Variants in RFX7 observed in about 807,000 individuals in gnomAD.
RFX7 encodes the protein DNA-binding protein RFX7.
Under a neutral mutation model 111.8 loss-of-function variants are expected in RFX7, and 26 were observed. That is an observed-to-expected ratio of 0.23 (90% CI 0.17 to 0.32). The LOEUF (loss-of-function observed/expected upper bound fraction) is 0.32. Among genes scored for constraint, RFX7 ranks in the 10% least tolerant of loss-of-function variants. The probability of loss-of-function intolerance (pLI) is 1.00; values close to 1 mark genes in which losing one functional copy is unlikely to be tolerated. For synonymous variants in RFX7, 624 were observed against 624.4 expected (o/e 1.00, Z 0.01); for missense variants, 1,573 against 1,772.9 (o/e 0.89, Z 2.02).
At position 56,152,330 on chromosome 15, in the gene RFX7, G is replaced by T. The variant is rs188739371; in HGVS notation, c.196-7847C>A. On this transcript the variant is annotated intron_variant, in intron 3 of 9. Coordinates refer to ENST00000559447, the MANE Select transcript of RFX7 (RefSeq NM_022841.7). Reference sequence around the variant, plus strand: ...AAAACACTCCTCAGCAAATGCAAAAGAAGGGAAATCATAACATATAGTCTC... The same window carrying T: ...AAAACACTCCTCAGCAAATGCAAAATAAGGGAAATCATAACATATAGTCTC... Among the ~76,000 whole-genome samples, 41 of 152,236 alleles carry T rather than the reference G, an allele frequency of 2.7e-4. 1 individual carries two copies. In the East Asian group the frequency reaches 5.4e-3, roughly 20 times the overall value.
intron 2 of RFX7, among the ~76,000 whole-genome samples, chr15:56,217,717 T>C (rs1363952340): frequency 6.6e-6 from 1 of 152,228 alleles, no homozygotes; most frequent in African/African-American, 2.4e-5. Context: ...ATATGTACAA[T>C]TTATTTAATT....
At chr15:56,199,673 G>C (rs141821688) in intron 2 of RFX7, among the ~76,000 whole-genome samples, 1 of 151,934 alleles carries the variant, frequency 6.6e-6, no homozygotes, top group Non-Finnish European at 1.5e-5. Flanking sequence ...GAAACACCAT[G>C]GTAAATATAG....
chr15:56,096,153 C>T lies in RFX7; in HGVS notation c.1575G>A (p.Arg525=), dbSNP rs746103928. Residue 525 remains arginine, a synonymous_variant, in exon 10 of 10, where the codon AGG becomes AGA. Coordinates refer to ENST00000559447, the MANE Select transcript of RFX7 (RefSeq NM_022841.7). The part of the protein sequence containing the change: ...SVVSLQSPGS[R]SSSAGGTSAV... Reference sequence around the variant, plus strand: ...CAGATGTTCCCCCCGCACTGCTGCTCCTGGACCCAGGAGACTGAAGCGACA... The same window carrying T: ...CAGATGTTCCCCCCGCACTGCTGCTTCTGGACCCAGGAGACTGAAGCGACA... 8 of 1,613,778 alleles carry T rather than the reference C, an allele frequency of 5.0e-6. No individual in the cohort carries two copies. The South Asian group carries it at 6.6e-5, about 13-fold the overall frequency.
Position 56,113,505 on chromosome 15 carries a change from C to T in RFX7, c.402-9835G>A, listed in dbSNP as rs543832838. Among the ~76,000 whole-genome samples, 187 of 151,916 alleles carry T rather than the reference C, an allele frequency of 1.2e-3. 1 individual carries two copies. Among genetic ancestry groups the T allele is most frequent in the Admixed American group, 2.2e-3 (34 of 15,256 alleles). On this transcript the variant is annotated intron_variant, in intron 5 of 9. Transcript: ENST00000559447. Reference sequence around the variant, plus strand: ...CACACATCATGGCCTGTTGCGGGGGCGGTGAGGGGAGGAAAGAGCATTAGG... The same window carrying T: ...CACACATCATGGCCTGTTGCGGGGGTGGTGAGGGGAGGAAAGAGCATTAGG...
chr15:56,103,499 T>C (rs924965046), intron 6 of RFX7, 55 bp downstream of exon 6: 3 of 1,139,792 alleles, frequency 2.6e-6, no homozygotes, highest in African/African-American at 3.1e-5. Context: ...CAATAGATGT[T>C]CTATAACAAG....
chr15:56,176,262 G>A (rs1199749726), intron 3 of RFX7, among the ~76,000 whole-genome samples: 3 of 152,116 alleles, frequency 2.0e-5, no homozygotes, highest in African/African-American at 7.2e-5. Flanking sequence ...GACTGAAAAA[G>A]TATTTGGAAA....
chr15:56,161,747 G>A (rs1366469125), intron 3 of RFX7, among the ~76,000 whole-genome samples: 1 of 152,036 alleles, frequency 6.6e-6, no homozygotes, highest in Non-Finnish European at 1.5e-5. Context: ...GGCTTCATAA[G>A]TGCCAAAGTA....
chr15:56,087,524 C>T lies in RFX7; in HGVS notation c.*5821G>A, dbSNP rs1443153203. Reference sequence around the variant, plus strand: ...GGACAAGAACACTGCAAAGAAGTAGCACCCAAACCTTTTGGTTACATCTCT... The same window carrying T: ...GGACAAGAACACTGCAAAGAAGTAGTACCCAAACCTTTTGGTTACATCTCT... On this transcript the variant is annotated 3_prime_UTR_variant, in exon 10 of 10. Transcript: ENST00000559447. The T allele has an allele frequency of 1.1e-5, 5 of 456,606 alleles. No individual in the cohort carries two copies. Among genetic ancestry groups the T allele is most frequent in the Non-Finnish European group, 2.2e-5 (5 of 226,972 alleles). The allele number at this position is 456,606 out of a possible 1,614,324, so 28.3% of individuals were successfully genotyped here. A position where few individuals can be genotyped will look rare whatever the true frequency, so the allele number is the denominator to read the frequency against.
intron 2 of RFX7, among the ~76,000 whole-genome samples, chr15:56,213,340 A>G (rs1361194396): frequency 6.6e-6 from 1 of 152,218 alleles, no homozygotes; most frequent in African/African-American, 2.4e-5. Flanking sequence ...CATATCATGA[A>G]GTACTATTCC....
intron 2 of RFX7, among the ~76,000 whole-genome samples, chr15:56,179,751 T>G: frequency 7.1e-6 from 1 of 141,738 alleles, no homozygotes; most frequent in African/African-American, 2.6e-5. Flanking sequence ...TTCCCTCCTC[T>G]CTCTGTCTCA....
At chr15:56,165,264 G>A (rs1483806987) in intron 3 of RFX7, among the ~76,000 whole-genome samples, 8 of 152,120 alleles carry the variant, frequency 5.3e-5, no homozygotes, top group African/African-American at 1.4e-4. Context: ...CTGTTTTAAA[G>A]GATTACATAA....
At chr15:56,183,845 C>T (rs2043003671) in intron 2 of RFX7, among the ~76,000 whole-genome samples, 1 of 152,062 alleles carries the variant, frequency 6.6e-6, no homozygotes, top group South Asian at 2.1e-4. Context: ...TTAATCTGTC[C>T]TTAAAATGTC....
chr15:56,096,859 T>C (rs1441568649), intron 9 of RFX7, among the ~76,000 whole-genome samples: 1 of 152,222 alleles, frequency 6.6e-6, no homozygotes, highest in East Asian at 1.9e-4. Context: ...TACTTTTCAA[T>C]TAAGACTAAA....
intron 3 of RFX7, among the ~76,000 whole-genome samples, chr15:56,155,577 A>G (rs1205820092): frequency 1.3e-5 from 2 of 152,176 alleles, no homozygotes; most frequent in Admixed American, 1.3e-4. Flanking sequence ...GAACACATGG[A>G]CACAGGGAGG....
chr15:56,178,180 C>CACACAT (rs1181932737), intron 3 of RFX7, among the ~76,000 whole-genome samples: 8 of 138,400 alleles, frequency 5.8e-5, no homozygotes, highest in Admixed American at 2.1e-4. Flanking sequence ...CACACACACA[C>CACACAT]ACACACACAC....
intron 3 of RFX7, among the ~76,000 whole-genome samples, chr15:56,152,403 C>G (rs568743604): frequency 2.4e-4 from 36 of 151,974 alleles, no homozygotes; most frequent in African/African-American, 7.7e-4. Flanking sequence ...AGAAACTTAC[C>G]CCAATCCGTA....
At position 56,119,647 on chromosome 15, in the gene RFX7, C is replaced by T. The variant is rs140728659; in HGVS notation, c.402-15977G>A. On this transcript the variant is annotated intron_variant, in intron 5 of 9. Transcript: ENST00000559447. ...CAAAAAAAAATTAGGCATGGTGGTG[C>T]GTGCCTATAGTTCCAGCTACTTGGG... Among the ~76,000 whole-genome samples the T allele has an allele frequency of 7.7e-3, 1,172 of 151,778 alleles. 15 individuals are homozygous for T. Among genetic ancestry groups the T allele is most frequent in the African/African-American group, 0.027 (1,107 of 41,372 alleles).
At chr15:56,139,445 G>A (rs988442356) in intron 5 of RFX7, among the ~76,000 whole-genome samples, 4 of 152,054 alleles carry the variant, frequency 2.6e-5, no homozygotes, top group South Asian at 2.1e-4. Flanking sequence ...CGTAGCTCTC[G>A]AACCTTGGTT....
intron 2 of RFX7, among the ~76,000 whole-genome samples, chr15:56,196,578 T>C (rs2141172775): frequency 6.6e-6 from 1 of 152,172 alleles, no homozygotes; most frequent in African/African-American, 2.4e-5. Context: ...AATTTGTATG[T>C]TGAAGCCCTA....
Sources: gnomAD v4.1 joint callset for allele counts (sites outside exome capture counted in the v4.1 genomes callset) on GRCh38, gnomAD v4.1.1 for gene constraint, MANE v1.5 for transcripts, NCBI Gene and HGNC (gene_info 2026-07-23, HGNC 2026-07-21) for gene names.